SLC35F2: variants seen among roughly 807,000 people sequenced by gnomAD.
SLC35F2 encodes solute carrier family 35 member F2.
A neutral mutation model predicts 38.1 loss-of-function variants in SLC35F2; 25 were observed. The ratio of observed to expected loss-of-function variants is 0.66; its 90% confidence interval spans 0.48 to 0.92. The LOEUF is 0.92. SLC35F2 is among the 40% of genes least tolerant of loss of function. SLC35F2 has a pLI of 0.00. For synonymous variants in SLC35F2, 173 were observed against 181.7 expected (o/e 0.95, Z 0.38); for missense variants, 409 against 452.9 (o/e 0.90, Z 0.88).
chr11:107,835,727 C>T (rs138359892), intron 1 of SLC35F2, among the ~76,000 whole-genome samples: 130 of 137,646 alleles, frequency 9.4e-4, no homozygotes, highest in Non-Finnish European at 1.4e-3. Flanking sequence ...CTTAATGGTA[C>T]CCAATTCAAT....
intron 5 of SLC35F2, 96 bp from the exon 6 acceptor site, chr11:107,804,866 T>C (rs2134773645): frequency 8.4e-7 from 1 of 1,190,226 alleles, no homozygotes; most frequent in Non-Finnish European, 1.2e-6. Flanking sequence ...AAGTGAGGAA[T>C]TACATGGACA....
chr11:107,793,734 G>A (rs929855847), intron 7 of SLC35F2, among the ~76,000 whole-genome samples: 7 of 152,172 alleles, frequency 4.6e-5, no homozygotes, highest in Non-Finnish European at 7.3e-5. Flanking sequence ...GTGACTGAGT[G>A]TAAGGTCCGG....
At chr11:107,842,328 C>T (rs998513845) in intron 1 of SLC35F2, among the ~76,000 whole-genome samples, 28 of 128,258 alleles carry the variant, frequency 2.2e-4, no homozygotes, top group Non-Finnish European at 3.9e-4. Flanking sequence ...TTCTCATATA[C>T]AGCTGGTGGA....
chr11:107,834,013 G>C (rs1859891334), intron 1 of SLC35F2, among the ~76,000 whole-genome samples: 1 of 152,194 alleles, frequency 6.6e-6, no homozygotes, highest in South Asian at 2.1e-4. Flanking sequence ...CGGACTCAAG[G>C]CTTTATGTTG....
chr11:107,852,265 A>G (rs1452384409), intron 1 of SLC35F2, among the ~76,000 whole-genome samples: 1 of 152,052 alleles, frequency 6.6e-6, no homozygotes, highest in African/African-American at 2.4e-5. Context: ...TAAAAACACA[A>G]TATTGGCTGG....
chr11:107,857,836 G>A (rs1302213325), intron 1 of SLC35F2, among the ~76,000 whole-genome samples: 2 of 152,174 alleles, frequency 1.3e-5, no homozygotes, highest in Non-Finnish European at 2.9e-5. Flanking sequence ...CAGCGGCAAA[G>A]TGGATATAAC....
At chr11:107,797,972 T>A (rs12808961) in intron 7 of SLC35F2, among the ~76,000 whole-genome samples, 22,785 of 152,018 alleles carry the variant, frequency 0.15, 2,746 homozygotes, top group East Asian at 0.42. Flanking sequence ...CTAAACTTTT[T>A]AAGTTGGTAT....
intron 6 of SLC35F2, 125 bp downstream of exon 6, chr11:107,804,593 T>C (rs754565814): frequency 7.5e-6 from 5 of 662,440 alleles, no homozygotes; most frequent in Non-Finnish European, 1.3e-5. Context: ...CTATAGTTGA[T>C]ATGTATTAAA....
chr11:107,811,180 A>G lies in SLC35F2; in HGVS notation c.414+487T>C, dbSNP rs947606902. 7 of 984,800 alleles carry G rather than the reference A, an allele frequency of 7.1e-6. No homozygotes were observed. The African/African-American group carries it at 1.2e-4, about 17-fold the overall frequency. The allele number at this position is 984,800 out of a possible 1,614,324, so 61.0% of individuals were successfully genotyped here. A position where few individuals can be genotyped will look rare whatever the true frequency, so the allele number is the denominator to read the frequency against. On this transcript the variant is annotated intron_variant, in intron 3 of 7. Transcript: ENST00000525815. ...GCAATGTAGGAATATTTTTCTTTCA[A>G]TGCAGCAAGAATAAACCTAACAAAG...
intron 1 of SLC35F2, among the ~76,000 whole-genome samples, chr11:107,850,223 G>GC (rs1183416894): frequency 4.6e-5 from 7 of 152,130 alleles, no homozygotes; most frequent in Non-Finnish European, 1.0e-4. Flanking sequence ...TCGTTCTTCA[G>GC]CACATAGGGG....
chr11:107,800,812 T>C (rs1859295722), intron 7 of SLC35F2, among the ~76,000 whole-genome samples: 1 of 152,096 alleles, frequency 6.6e-6, no homozygotes, highest in Non-Finnish European at 1.5e-5. Context: ...AAAGAGGTAT[T>C]TCTAAAGCAG....
chr11:107,841,511 G>A (rs576916676), intron 1 of SLC35F2, among the ~76,000 whole-genome samples: 32 of 148,980 alleles, frequency 2.1e-4, no homozygotes, highest in Admixed American at 6.0e-4. Flanking sequence ...CACAGTGAGC[G>A]GAGACTGTGC....
At chr11:107,811,852 G>C in intron 2 of SLC35F2, 58 bp from the exon 3 acceptor site, 1 of 1,454,752 alleles carries the variant, frequency 6.9e-7, no homozygotes, top group Non-Finnish European at 9.4e-7. Flanking sequence ...CATACATGTT[G>C]ATTTGAAGAT....
intron 7 of SLC35F2, among the ~76,000 whole-genome samples, chr11:107,797,889 G>A (rs1212116790): frequency 6.6e-6 from 1 of 152,088 alleles, no homozygotes; most frequent in East Asian, 1.9e-4. Context: ...CACATAGCTG[G>A]TGTTTAATAA....
intron 1 of SLC35F2, among the ~76,000 whole-genome samples, chr11:107,857,854 C>A (rs1233930883): frequency 6.6e-6 from 1 of 152,102 alleles, no homozygotes; most frequent in African/African-American, 2.4e-5. Flanking sequence ...AACAATAGTA[C>A]CATCTCCTAA....
intron 1 of SLC35F2, among the ~76,000 whole-genome samples, chr11:107,818,052 GTC>G (rs1859603916): frequency 1.8e-5 from 1 of 55,292 alleles, no homozygotes; most frequent in Non-Finnish European, 3.1e-5. Flanking sequence ...GCAAGACTCT[GTC>G]TCAAAAAAAA....
intron 7 of SLC35F2, among the ~76,000 whole-genome samples, chr11:107,800,184 G>A (rs1391125275): frequency 2.6e-5 from 4 of 151,962 alleles, no homozygotes; most frequent in Non-Finnish European, 4.4e-5. Flanking sequence ...CACTGCGCCC[G>A]GCCTGGCTTT....
At chr11:107,852,060 G>A (rs1008631936) in intron 1 of SLC35F2, among the ~76,000 whole-genome samples, 8 of 152,062 alleles carry the variant, frequency 5.3e-5, no homozygotes, top group Non-Finnish European at 1.0e-4. Context: ...TGTGGAAGGC[G>A]GAAACCAAAA....
intron 1 of SLC35F2, among the ~76,000 whole-genome samples, chr11:107,818,116 G>GAAAGAA (rs1859612235): frequency 1.4e-5 from 2 of 139,500 alleles, no homozygotes; most frequent in African/African-American, 5.5e-5. Context: ...AAGAAAGAAA[G>GAAAGAA]AAAGAAAGAA....
Sources: allele counts gnomAD v4.1 joint callset (sites outside exome capture counted in the v4.1 genomes callset), GRCh38; gene constraint gnomAD v4.1.1; transcripts MANE v1.5; gene names NCBI Gene and HGNC (gene_info 2026-07-23, HGNC 2026-07-21).